The following BNC2 variants were observed in gnomAD, a reference collection of about 807,000 sequenced individuals.
BNC2 encodes basonuclin zinc finger protein 2, also known as zinc finger protein basonuclin-2.
BNC2 carries 20 observed loss-of-function variants against 76.3 expected under a neutral mutation model. That is an observed-to-expected ratio of 0.26 (90% CI 0.18 to 0.38). The LOEUF (loss-of-function observed/expected upper bound fraction) is 0.38, where lower values mean the gene tolerates loss of function less well. Among genes scored for constraint, BNC2 ranks in the 10% least tolerant of loss-of-function variants. The pLI, the probability that BNC2 is intolerant of heterozygous loss-of-function variation, is 1.00. For synonymous variants in BNC2, 582 were observed against 514.8 expected, an observed-to-expected ratio of 1.13 and a Z score of -1.77; for missense variants, 1,382 against 1,399.8, an observed-to-expected ratio of 0.99 and a Z score of 0.20.
intron 1 of BNC2, among the ~76,000 whole-genome samples, chr9:16,836,541 A>C (rs1022284401): frequency 6.6e-6 from 1 of 151,958 alleles, no homozygotes; most frequent in Non-Finnish European, 1.5e-5. Flanking sequence ...AGAATCCTAG[A>C]AAACCAGTTC....
At chr9:16,635,928 G>A (rs1383714021) in intron 3 of BNC2, among the ~76,000 whole-genome samples, 1 of 152,160 alleles carries the variant, frequency 6.6e-6, no homozygotes, top group Non-Finnish European at 1.5e-5. Flanking sequence ...GGACAAAAGA[G>A]TTCCCAAAAA....
chr9:16,570,733 C>G (rs552504436), intron 4 of BNC2, among the ~76,000 whole-genome samples: 1 of 152,242 alleles, frequency 6.6e-6, no homozygotes, highest in South Asian at 2.1e-4. Flanking sequence ...AGTTACCATC[C>G]CATTCTCTAT....
intron 3 of BNC2, among the ~76,000 whole-genome samples, chr9:16,615,437 A>G (rs780429885): frequency 1.3e-5 from 2 of 152,158 alleles, no homozygotes; most frequent in Non-Finnish European, 2.9e-5. Flanking sequence ...GAAGCAGGCC[A>G]TAAGATCGTC....
chr9:16,741,629 AG>A (rs1824852430), intron 1 of BNC2, among the ~76,000 whole-genome samples: 1 of 152,168 alleles, frequency 6.6e-6, no homozygotes, highest in Non-Finnish European at 1.5e-5. Context: ...ACCAGCAAGG[AG>A]TTCTGGACAC....
chr9:16,751,698 A>ATATGTATGTGTGTGTG lies in BNC2; in HGVS notation c.4-13214_4-13213insCACACACACATACATA, dbSNP rs1563927026. ...TATATATATATGTATGTGTGTATAT[A>ATATGTATGTGTGTGTG]TATATATATGTATGTATATATAAAA... On this transcript the variant is annotated intron_variant, in intron 1 of 6. Coordinates refer to ENST00000380672, the MANE Select transcript of BNC2 (RefSeq NM_017637.6). Among the ~76,000 whole-genome samples, 36 of 140,252 alleles carry ATATGTATGTGTGTGTG rather than the reference A, an allele frequency of 2.6e-4. 1 individual carries two copies. Among genetic ancestry groups the ATATGTATGTGTGTGTG allele is most frequent in the Admixed American group, 4.5e-4 (6 of 13,386 alleles). The allele number at this position is 140,252 out of a possible 152,430, so 92.0% of individuals were successfully genotyped here.
In BNC2 at chr9:16,522,349, G is replaced by A. The variant is rs560992500; in HGVS notation, c.669+30181C>T. On this transcript the variant is annotated intron_variant, in intron 5 of 6. Transcript: ENST00000380672. ...ACGGCCTCTTCCTCCTAGCATGCCCGATTGATATAAATTCCATCTGCTCAG... is the reference window on the plus strand; with the variant it reads ...ACGGCCTCTTCCTCCTAGCATGCCCAATTGATATAAATTCCATCTGCTCAG... Among the ~76,000 whole-genome samples, 17 of 152,294 alleles carry A rather than the reference G, an allele frequency of 1.1e-4. No individual in the cohort carries two copies. In the South Asian group the frequency reaches 1.5e-3, roughly 13 times the overall value.
chr9:16,576,308 T>C (rs1002952432), intron 4 of BNC2, among the ~76,000 whole-genome samples: 2 of 152,228 alleles, frequency 1.3e-5, no homozygotes, highest in African/African-American at 2.4e-5. Flanking sequence ...AATTATCATA[T>C]GGACACTGTT....
intron 1 of BNC2, among the ~76,000 whole-genome samples, chr9:16,868,608 G>C (rs915192421): frequency 7.9e-5 from 12 of 152,136 alleles, no homozygotes; most frequent in Admixed American, 1.3e-4. Context: ...TCAAAACAAA[G>C]TTCAGGTTCA....
chr9:16,424,419 CTTAATAA>C (rs953936959), intron 6 of BNC2, among the ~76,000 whole-genome samples: 1 of 152,080 alleles, frequency 6.6e-6, no homozygotes, highest in African/African-American at 2.4e-5. Flanking sequence ...AAACAAAATA[CTTAATAA>C]TTAATTAGAA....
intron 6 of BNC2, chr9:16,434,974 T>TA (rs1820975746): frequency 2.1e-6 from 1 of 470,930 alleles, no homozygotes. Flanking sequence ...TCACAACTCT[T>TA]AAAGAATTCA....
intron 1 of BNC2, among the ~76,000 whole-genome samples, chr9:16,812,874 T>C (rs1403391511): frequency 1.3e-5 from 2 of 152,154 alleles, no homozygotes; most frequent in Non-Finnish European, 2.9e-5. Flanking sequence ...TATTTTAGTG[T>C]CTCTGGTTAC....
At chr9:16,754,830 T>A (rs1484257703) in intron 1 of BNC2, among the ~76,000 whole-genome samples, 1 of 152,194 alleles carries the variant, frequency 6.6e-6, no homozygotes, top group Non-Finnish European at 1.5e-5. Context: ...AGTGCTGGGA[T>A]TAGAGGTGTG....
chr9:16,428,738 A>T (rs1219473697), intron 6 of BNC2, among the ~76,000 whole-genome samples: 7 of 152,194 alleles, frequency 4.6e-5, no homozygotes, highest in African/African-American at 1.7e-4. Flanking sequence ...GAAGTGGGTA[A>T]CATTTTTCCC....
At chr9:16,501,160 G>A (rs796993003) in intron 5 of BNC2, among the ~76,000 whole-genome samples, 4 of 152,118 alleles carry the variant, frequency 2.6e-5, no homozygotes, top group African/African-American at 7.2e-5. Context: ...TATAAGTAAC[G>A]CACTTAAAAT....
chr9:16,741,643 A>G (rs921640922), intron 1 of BNC2, among the ~76,000 whole-genome samples: 3 of 152,136 alleles, frequency 2.0e-5, no homozygotes, highest in Non-Finnish European at 4.4e-5. Flanking sequence ...CTGGACACAA[A>G]GAGAAAAATA....
Position 16,720,716 on chromosome 9 carries a change from T to A in BNC2, c.330+7081A>T, listed in dbSNP as rs1279643168. 9.9e-5 allele frequency among the ~76,000 whole-genome samples: 15 copies of A among 152,212 alleles called. 1 individual carries two copies. The highest frequency in any genetic ancestry group is 9.8e-4 in the Admixed American group (15 of 15,288). On this transcript the variant is annotated intron_variant, in intron 3 of 6. Coordinates refer to ENST00000380672, the MANE Select transcript of BNC2 (RefSeq NM_017637.6). ...TTCTTTTTTTTAATCGGAATGATGA[T>A]TAATAAGTTGAGAATTTGGTTCCTA...
intron 5 of BNC2, among the ~76,000 whole-genome samples, chr9:16,530,801 C>T (rs753000153): frequency 2.6e-5 from 4 of 152,178 alleles, no homozygotes; most frequent in Admixed American, 6.5e-5. Context: ...GTTGCTCTGA[C>T]GCACGGCCAG....
At chr9:16,796,773 G>C (rs368425096) in intron 1 of BNC2, among the ~76,000 whole-genome samples, 1 of 152,052 alleles carries the variant, frequency 6.6e-6, no homozygotes, top group East Asian at 1.9e-4. Context: ...TTTATAAATG[G>C]GAAACATTAT....
At chr9:16,553,131 G>C (rs766838661) in intron 4 of BNC2, among the ~76,000 whole-genome samples, 2 of 152,224 alleles carry the variant, frequency 1.3e-5, no homozygotes, top group Non-Finnish European at 2.9e-5. Context: ...TGACGATGGT[G>C]TCCCCTACCC....
Sources: allele counts gnomAD v4.1 joint callset (sites outside exome capture counted in the v4.1 genomes callset), GRCh38; gene constraint gnomAD v4.1.1; transcripts MANE v1.5; gene names NCBI Gene and HGNC (gene_info 2026-07-23, HGNC 2026-07-21).